PLXDC1: variants seen among roughly 807,000 people sequenced by gnomAD.
PLXDC1 encodes the protein plexin domain containing 1.
Under a neutral mutation model 61.3 loss-of-function variants are expected in PLXDC1, and 39 were observed. The observed-to-expected ratio is 0.64, with a 90% confidence interval of 0.49 to 0.83. The LOEUF (loss-of-function observed/expected upper bound fraction) is 0.83. Ranked by LOEUF, PLXDC1 falls within the 40% of genes least tolerant of loss-of-function variation. The pLI is 0.00. For synonymous variants in PLXDC1, 212 were observed against 254.5 expected (o/e 0.83, Z 1.59); for missense variants, 596 against 666.5 (o/e 0.89, Z 1.17).
chr17:39,088,793 A>G (rs1483432394), intron 7 of PLXDC1, among the ~76,000 whole-genome samples: 1 of 151,974 alleles, frequency 6.6e-6, no homozygotes, highest in African/African-American at 2.4e-5. Context: ...TACTAAAAAT[A>G]CAAAAATTAG....
chr17:39,112,368 C>T (rs879521466), intron 2 of PLXDC1: 2 of 151,958 alleles, frequency 1.3e-5, no homozygotes, highest in Non-Finnish European at 2.9e-5. Context: ...AAAAAAGTGG[C>T]TTATTAAGAG....
intron 11 of PLXDC1, among the ~76,000 whole-genome samples, chr17:39,074,630 C>T (rs543928123): frequency 4.7e-4 from 72 of 152,302 alleles, no homozygotes; most frequent in South Asian, 1.4e-3. Flanking sequence ...AGGATTTAGG[C>T]TTGGCCCCCA....
In PLXDC1 at chr17:39,107,462, A is replaced by C; in HGVS notation, c.656T>G (p.Phe219Cys). The change falls in exon 6 of 14, where the codon TTC becomes TGC. Residue 219 changes from phenylalanine to cysteine, a missense_variant. Coordinates refer to ENST00000315392, the MANE Select transcript of PLXDC1 (RefSeq NM_020405.5). Reference protein sequence around the residue: ...YLQGWEDKGSFTFQAALHHDG... With the variant: ...YLQGWEDKGSCTFQAALHHDG... ...ATGGTGCAGAGCTGCCTGGAAGGTG[A>C]AACTGCCCTTGTCTTCCCAGCCTTG... 1 of 1,614,142 alleles carries C rather than the reference A, an allele frequency of 6.2e-7. No homozygotes were observed. The highest frequency in any genetic ancestry group is 8.5e-7 in the Non-Finnish European group (1 of 1,179,998).
intron 2 of PLXDC1, among the ~76,000 whole-genome samples, chr17:39,128,830 G>A (rs1911439160): frequency 6.6e-6 from 1 of 151,690 alleles, no homozygotes; most frequent in Non-Finnish European, 1.5e-5. Flanking sequence ...CTAACATGGT[G>A]AAACCCTGTC....
At chr17:39,144,273 T>A (rs993657473) in intron 1 of PLXDC1, among the ~76,000 whole-genome samples, 1 of 152,076 alleles carries the variant, frequency 6.6e-6, no homozygotes, top group Admixed American at 6.6e-5. Flanking sequence ...GTGACTCAAA[T>A]GGATTTGACG....
At chr17:39,096,237 C>T (rs763184137) in intron 7 of PLXDC1, among the ~76,000 whole-genome samples, 7 of 152,052 alleles carry the variant, frequency 4.6e-5, no homozygotes, top group South Asian at 2.1e-4. Flanking sequence ...CCCTGCCCCA[C>T]GGGGGAGAAG....
intron 2 of PLXDC1, among the ~76,000 whole-genome samples, chr17:39,137,750 A>G (rs1911800983): frequency 1.3e-5 from 2 of 152,096 alleles, no homozygotes; most frequent in African/African-American, 4.8e-5. Flanking sequence ...CACAGGGTCA[A>G]GGGAACAGGG....
chr17:39,109,028 G>A, intron 3 of PLXDC1, 55 bp from the exon 4 acceptor site: 1 of 1,407,816 alleles, frequency 7.1e-7, no homozygotes, highest in Non-Finnish European at 1.0e-6. Flanking sequence ...AGGGGCCTGG[G>A]CACCCACACT....
intron 2 of PLXDC1, among the ~76,000 whole-genome samples, chr17:39,110,620 T>C (rs2143697618): frequency 6.6e-6 from 1 of 152,338 alleles, no homozygotes; most frequent in South Asian, 2.1e-4. Context: ...GCCGCTGACC[T>C]GTGAGGAGCC....
intron 1 of PLXDC1, among the ~76,000 whole-genome samples, chr17:39,141,037 A>G (rs1911920283): frequency 6.6e-6 from 1 of 152,004 alleles, no homozygotes; most frequent in Non-Finnish European, 1.5e-5. Flanking sequence ...CTGTTATTTT[A>G]TTTTATTTAA....
At chr17:39,085,673 G>T (rs1397194764) in intron 8 of PLXDC1, among the ~76,000 whole-genome samples, 1 of 152,092 alleles carries the variant, frequency 6.6e-6, no homozygotes, top group East Asian at 1.9e-4. Flanking sequence ...GGACCAGGAG[G>T]GACCAGCTAC....
At chr17:39,084,084 T>C (rs758806126) in intron 8 of PLXDC1, among the ~76,000 whole-genome samples, 7 of 152,214 alleles carry the variant, frequency 4.6e-5, no homozygotes, top group Non-Finnish European at 7.3e-5. Context: ...TCACGAGGTC[T>C]ATGACGGCAA....
In PLXDC1 at chr17:39,067,767, A is replaced by G. The variant is rs1270679229; in HGVS notation, c.*73T>C. 2.3e-5 allele frequency: 33 copies of G among 1,456,116 alleles called. No individual in the cohort carries two copies. Among genetic ancestry groups the G allele is most frequent in the Non-Finnish European group, 3.0e-5 (32 of 1,061,514 alleles). The allele number at this position is 1,456,116 out of a possible 1,614,324, so 90.2% of individuals were successfully genotyped here. ...AGGGCATGCTGGGAGAGGCCAGGAA[A>G]AGTCACTTCTCTTCTTTGCTTTAAC... On this transcript the variant is annotated 3_prime_UTR_variant, in exon 14 of 14. Transcript: ENST00000315392.
At chr17:39,123,073 T>C (rs1472456013) in intron 2 of PLXDC1, among the ~76,000 whole-genome samples, 1 of 152,162 alleles carries the variant, frequency 6.6e-6, no homozygotes. Context: ...GGATCAAACA[T>C]ATTGTCTGTG....
At chr17:39,138,983 C>T (rs1238699516) in intron 2 of PLXDC1, among the ~76,000 whole-genome samples, 4 of 152,176 alleles carry the variant, frequency 2.6e-5, no homozygotes, top group South Asian at 2.1e-4. Flanking sequence ...GACACAGGTG[C>T]GAACCCAGCG....
chr17:39,149,200 C>A (rs1016710337), intron 1 of PLXDC1, among the ~76,000 whole-genome samples: 2 of 152,168 alleles, frequency 1.3e-5, no homozygotes, highest in Admixed American at 6.5e-5. Context: ...GCCTGTCCAT[C>A]AGGAGCGAGG....
intron 2 of PLXDC1, among the ~76,000 whole-genome samples, chr17:39,125,578 C>G (rs572466907): frequency 1.3e-5 from 2 of 152,254 alleles, no homozygotes; most frequent in East Asian, 1.9e-4. Context: ...AAAACAAAAA[C>G]AGGCCTTCCC....
At chr17:39,126,140 G>C (rs1003615011) in intron 2 of PLXDC1, among the ~76,000 whole-genome samples, 1 of 152,146 alleles carries the variant, frequency 6.6e-6, no homozygotes, top group Non-Finnish European at 1.5e-5. Context: ...TGTAATCCTA[G>C]CTACTTGGGA....
chr17:39,109,769 C>T (rs986325357), intron 2 of PLXDC1, among the ~76,000 whole-genome samples: 3 of 152,182 alleles, frequency 2.0e-5, no homozygotes, highest in Non-Finnish European at 1.5e-5. Context: ...GGCCTCAAAC[C>T]GGGCCCTTGT....
Sources: allele counts gnomAD v4.1 joint callset (sites outside exome capture counted in the v4.1 genomes callset), GRCh38; gene constraint gnomAD v4.1.1; transcripts MANE v1.5; gene names NCBI Gene and HGNC (gene_info 2026-07-23, HGNC 2026-07-21).